OOSP1: variants seen among roughly 807,000 people sequenced by gnomAD.
OOSP1 encodes the protein oocyte secreted protein 1.
OOSP1 carries 11 observed loss-of-function variants against 5.7 expected under a neutral mutation model. The ratio of observed to expected loss-of-function variants is 1.94; its 90% CI spans 1.22 to 3.20. The LOEUF (loss-of-function observed/expected upper bound fraction) is 3.20, where lower values mean the gene tolerates loss of function less well. Among genes scored for constraint, OOSP1 ranks in the 30% most tolerant of loss-of-function variants. The pLI is 0.00. For synonymous variants in OOSP1, 44 were observed against 20.0 expected, an observed-to-expected ratio of 2.20 and a Z score of -3.20; for missense variants, 83 against 54.1, an observed-to-expected ratio of 1.53 and a Z score of -1.67.
At chr11:59,944,096 G>A (rs1472092020) in intron 2 of OOSP1, among the ~76,000 whole-genome samples, 2 of 152,186 alleles carry the variant, frequency 1.3e-5, no homozygotes, top group Non-Finnish European at 2.9e-5. Context: ...AGCTTTGGCT[G>A]ACCCTGCACA....
intron 4 of OOSP1, among the ~76,000 whole-genome samples, chr11:59,954,570 G>A (rs1324332634): frequency 6.6e-6 from 1 of 151,930 alleles, no homozygotes; most frequent in African/African-American, 2.4e-5. Context: ...TAAATTCCAT[G>A]TAATTATTGA....
intron 3 of OOSP1, among the ~76,000 whole-genome samples, chr11:59,945,725 TG>T (rs1853875673): frequency 8.8e-6 from 1 of 114,102 alleles, no homozygotes; most frequent in African/African-American, 3.5e-5. Context: ...CACTCCAGCC[TG>T]GGTGACAGAG....
At chr11:59,950,911 A>G (rs1853933813) in intron 4 of OOSP1, among the ~76,000 whole-genome samples, 1 of 152,084 alleles carries the variant, frequency 6.6e-6, no homozygotes, top group Non-Finnish European at 1.5e-5. Context: ...ATAGATTACC[A>G]TGAATTTCTG....
intron 1 of OOSP1, among the ~76,000 whole-genome samples, chr11:59,939,257 TTTC>T (rs1853800650): frequency 6.6e-6 from 1 of 151,430 alleles, no homozygotes; most frequent in African/African-American, 2.4e-5. Flanking sequence ...CTTTTCTTCC[TTTC>T]TTTTTTTTTT....
intron 4 of OOSP1, among the ~76,000 whole-genome samples, chr11:59,954,798 T>C (rs1358549974): frequency 6.6e-6 from 1 of 152,170 alleles, no homozygotes; most frequent in Non-Finnish European, 1.5e-5. Flanking sequence ...GATTCATGTA[T>C]GATCCTCATA....
intron 4 of OOSP1, chr11:59,948,869 A>G: frequency 2.5e-6 from 1 of 397,436 alleles, no homozygotes; most frequent in Non-Finnish European, 4.4e-6. Flanking sequence ...AGAAGCAGGA[A>G]GGGGATTTAA....
At chr11:59,939,068 C>T (rs1853799036) in intron 1 of OOSP1, among the ~76,000 whole-genome samples, 1 of 152,148 alleles carries the variant, frequency 6.6e-6, no homozygotes, top group South Asian at 2.1e-4. Flanking sequence ...CGGAGCAAAC[C>T]AGAATGATTG....
At chr11:59,957,013 A>T (rs1853999795) in intron 4 of OOSP1, among the ~76,000 whole-genome samples, 182 bp from the exon 5 acceptor site, 1 of 152,196 alleles carries the variant, frequency 6.6e-6, no homozygotes, top group African/African-American at 2.4e-5. Context: ...GGCTATAAAC[A>T]TGAGTGTGCA....
exon 2 of OOSP1, chr11:59,943,012 G>T: frequency 2.8e-6 from 2 of 702,866 alleles, no homozygotes; most frequent in Non-Finnish European, 5.2e-6. Context: ...CCTCATGACT[G>T]TGGTATTGTA....
chr11:59,944,463 A>AGCAGG (rs1424753173), intron 2 of OOSP1, among the ~76,000 whole-genome samples: 1 of 152,110 alleles, frequency 6.6e-6, no homozygotes, highest in African/African-American at 2.4e-5. Context: ...ATCCAATGAG[A>AGCAGG]GCAGGATATA....
chr11:59,941,170 C>A (rs1853820562), intron 1 of OOSP1, among the ~76,000 whole-genome samples: 1 of 152,060 alleles, frequency 6.6e-6, no homozygotes, highest in Non-Finnish European at 1.5e-5. Context: ...GAGTTTGTAA[C>A]CTTTTGGAAT....
intron 4 of OOSP1, chr11:59,949,117 T>C (rs1379957613): frequency 5.1e-6 from 1 of 197,088 alleles, no homozygotes; most frequent in Non-Finnish European, 1.0e-5. Flanking sequence ...GTACAGTTAC[T>C]AACTCTTCTC....
chr11:59,954,397 G>C lies in OOSP1; in HGVS notation c.487-2798G>C, dbSNP rs1450140134. Among the ~76,000 whole-genome samples the C allele has an allele frequency of 5.3e-5, 8 of 152,036 alleles. No individual in the cohort carries two copies. The East Asian group carries it at 1.5e-3, about 29-fold the overall frequency. Reference sequence around the variant, plus strand: ...TAAATTTTTTTTTTTACCAAAATAGGTAGTGGGCTAGATTTGGCTTGTGGG... The same window carrying C: ...TAAATTTTTTTTTTTACCAAAATAGCTAGTGGGCTAGATTTGGCTTGTGGG... On this transcript the variant is annotated intron_variant, in intron 4 of 4. Transcript: ENST00000646685.
chr11:59,955,375 C>T (rs1314395155), intron 4 of OOSP1, among the ~76,000 whole-genome samples: 2 of 151,812 alleles, frequency 1.3e-5, no homozygotes, highest in African/African-American at 4.8e-5. Flanking sequence ...TACTATGAAT[C>T]TGGCATTGTC....
At chr11:59,947,279 A>G in intron 3 of OOSP1, among the ~76,000 whole-genome samples, 1 of 152,034 alleles carries the variant, frequency 6.6e-6, no homozygotes, top group South Asian at 2.1e-4. Flanking sequence ...TGAGGTAGAT[A>G]TTCTTCTTCT....
At chr11:59,950,524 C>G (rs778838317) in intron 4 of OOSP1, among the ~76,000 whole-genome samples, 10 of 152,164 alleles carry the variant, frequency 6.6e-5, no homozygotes, top group Non-Finnish European at 1.5e-4. Context: ...AAAGAGAAGA[C>G]AGTAAGGTCA....
At chr11:59,949,514 G>A (rs911117910) in intron 4 of OOSP1, among the ~76,000 whole-genome samples, 9 of 151,638 alleles carry the variant, frequency 5.9e-5, no homozygotes, top group Admixed American at 5.9e-4. Flanking sequence ...AAAAAAAAAA[G>A]AATATGGGAA....
At chr11:59,954,069 T>C (rs1853966816) in intron 4 of OOSP1, among the ~76,000 whole-genome samples, 1 of 152,226 alleles carries the variant, frequency 6.6e-6, no homozygotes, top group Non-Finnish European at 1.5e-5. Context: ...CTGAACAGCA[T>C]GTTACTGTGC....
At chr11:59,945,849 A>G (rs1441049315) in intron 3 of OOSP1, among the ~76,000 whole-genome samples, 3 of 151,958 alleles carry the variant, frequency 2.0e-5, no homozygotes, top group African/African-American at 7.2e-5. Flanking sequence ...TGCAGGAAGC[A>G]TGGCTGGGGA....
Sources: gnomAD v4.1 joint callset for allele counts (sites outside exome capture counted in the v4.1 genomes callset) on GRCh38, gnomAD v4.1.1 for gene constraint, MANE v1.5 for transcripts, NCBI Gene and HGNC (gene_info 2026-07-23, HGNC 2026-07-21) for gene names.